ZDHHC13: variants seen among roughly 807,000 people sequenced by gnomAD.
The protein encoded by ZDHHC13 is palmitoyltransferase ZDHHC13.
ZDHHC13 carries 85 observed loss-of-function variants against 86.0 expected under a neutral mutation model. That is an observed-to-expected ratio of 0.99 (90% CI 0.83 to 1.18). The LOEUF (loss-of-function observed/expected upper bound fraction) is 1.18. Ranked by LOEUF, ZDHHC13 falls within the 50% of genes most tolerant of loss-of-function variation. The pLI is 0.00. For synonymous variants in ZDHHC13, 263 were observed against 246.4 expected, an observed-to-expected ratio of 1.07 and a Z score of -0.63; for missense variants, 711 against 730.2, an observed-to-expected ratio of 0.97 and a Z score of 0.30.
chr11:19,141,964 G>A (rs867675087), intron 1 of ZDHHC13, among the ~76,000 whole-genome samples: 3 of 152,168 alleles, frequency 2.0e-5, no homozygotes, highest in Non-Finnish European at 4.4e-5. Context: ...AAATTACCAC[G>A]CATTTAGTGG....
intron 1 of ZDHHC13, among the ~76,000 whole-genome samples, chr11:19,141,735 C>G (rs1279135244): frequency 6.7e-6 from 1 of 148,786 alleles, no homozygotes; most frequent in South Asian, 2.1e-4. Context: ...GGTCTAAGCT[C>G]AGTGTTTGAG....
At chr11:19,130,882 G>A (rs1422631429) in intron 1 of ZDHHC13, among the ~76,000 whole-genome samples, 3 of 146,572 alleles carry the variant, frequency 2.0e-5, no homozygotes, top group African/African-American at 7.6e-5. Flanking sequence ...ATTTCGCTCT[G>A]TCGCCCAGGC....
chr11:19,117,316 G>T lies in ZDHHC13; in HGVS notation c.27+40G>T. ...GCGGTGGCTGTCCTGGGGGCCGGGAGAGCGGCTGCAGCTGTGGAGGAAAGG... is the reference window on the plus strand; with the variant it reads ...GCGGTGGCTGTCCTGGGGGCCGGGATAGCGGCTGCAGCTGTGGAGGAAAGG... On this transcript the variant is annotated intron_variant, in intron 1 of 16. Coordinates refer to ENST00000446113, the MANE Select transcript of ZDHHC13 (RefSeq NM_019028.3). The surrounding 1 kb of genome is among the most constrained non-coding windows in gnomAD (Gnocchi z 4.2). The T allele has an allele frequency of 6.9e-7, 1 of 1,443,122 alleles. No individual in the cohort carries two copies. The allele number at this position is 1,443,122 out of a possible 1,614,324, so 89.4% of individuals were successfully genotyped here. A position where few individuals can be genotyped will look rare whatever the true frequency, so the allele number is the denominator to read the frequency against.
chr11:19,143,000 CCCACCCT>C lies in ZDHHC13; in HGVS notation c.54_60del (p.His18GlnfsTer26), dbSNP rs1374307748. 6.2e-7 allele frequency: 1 copy of C among 1,610,082 alleles called. No individual in the cohort carries two copies. Among genetic ancestry groups the C allele is most frequent in the African/African-American group, 1.3e-5 (1 of 74,860 alleles). On this transcript the variant is annotated frameshift_variant, in exon 2 of 17. Coordinates refer to ENST00000446113, the MANE Select transcript of ZDHHC13 (RefSeq NM_019028.3). LOFTEE classifies it high-confidence loss of function. ...CAGTGCAGGAATCACAGCCATGGCC[CCCACCCT>C]CCAGGATTTGGTCGATATGGCATCT... is the stretch of plus-strand genomic sequence containing the variant.
intron 1 of ZDHHC13, among the ~76,000 whole-genome samples, chr11:19,126,901 A>C (rs1039804343): frequency 2.0e-5 from 3 of 152,182 alleles, no homozygotes; most frequent in African/African-American, 7.2e-5. Context: ...TGCTATTGTG[A>C]ATAGTGCTAC....
chr11:19,172,004 T>G (rs1246551627), intron 15 of ZDHHC13, among the ~76,000 whole-genome samples: 1 of 152,220 alleles, frequency 6.6e-6, no homozygotes, highest in Non-Finnish European at 1.5e-5. Flanking sequence ...CACTCTAAGC[T>G]GTGTGGCTTT....
At chr11:19,124,279 A>G (rs1472234007) in intron 1 of ZDHHC13, among the ~76,000 whole-genome samples, 2 of 152,152 alleles carry the variant, frequency 1.3e-5, no homozygotes, top group African/African-American at 4.8e-5. Context: ...CAATAAGTAT[A>G]AGAAGAAAAT....
At chr11:19,149,395 A>AT in intron 5 of ZDHHC13, 64 bp downstream of exon 5, 1 of 1,379,924 alleles carries the variant, frequency 7.2e-7, no homozygotes, top group Non-Finnish European at 9.6e-7. Flanking sequence ...GGAAATTATT[A>AT]GTAGTAGTCT....
intron 1 of ZDHHC13, among the ~76,000 whole-genome samples, chr11:19,127,220 T>C (rs1848898164): frequency 6.6e-6 from 1 of 152,220 alleles, no homozygotes; most frequent in Non-Finnish European, 1.5e-5. Context: ...TGTTGAGCTT[T>C]TTTTCATATG....
At chr11:19,124,353 A>C (rs1446317111) in intron 1 of ZDHHC13, among the ~76,000 whole-genome samples, 1 of 152,192 alleles carries the variant, frequency 6.6e-6, no homozygotes, top group Non-Finnish European at 1.5e-5. Flanking sequence ...ATATATATAC[A>C]TAATGAGGGA....
chr11:19,131,779 A>G (rs551947929), intron 1 of ZDHHC13, among the ~76,000 whole-genome samples: 1 of 152,142 alleles, frequency 6.6e-6, no homozygotes, highest in African/African-American at 2.4e-5. Context: ...GATTACAGGC[A>G]TGGGCCACCA....
rs779024500 is a variant in ZDHHC13, at chr11:19,165,073, C to G, written c.1318C>G (p.Leu440Val). ...TTAGATAAGGAAGCCATTAAGGTCA[C>G]TCCACTGCCATGTATGCAACTGCTG... ...SCLIRKPLRS[L>V]HCHVCNCCVA... The change falls in exon 13 of 17, where the codon CTC becomes GTC. Residue 440 changes from leucine to valine, a missense_variant. Leu to Val is a conservative substitution (Grantham distance 32). Transcript: ENST00000446113. 9.9e-6 allele frequency: 16 copies of G among 1,612,778 alleles called. No individual in the cohort carries two copies. Among genetic ancestry groups the G allele is most frequent in the African/African-American group, 1.3e-5 (1 of 74,874 alleles).
Position 19,136,609 on chromosome 11 carries a change from C to A in ZDHHC13, c.28-6369C>A, listed in dbSNP as rs567167018. Among the ~76,000 whole-genome samples, 1,019 of 151,958 alleles carry A rather than the reference C, an allele frequency of 6.7e-3. 8 individuals carry two copies. Among genetic ancestry groups the A allele is most frequent in the African/African-American group, 0.023 (960 of 41,400 alleles). On this transcript the variant is annotated intron_variant, in intron 1 of 16. Coordinates refer to ENST00000446113, the MANE Select transcript of ZDHHC13 (RefSeq NM_019028.3). Reference sequence around the variant, plus strand: ...CCTCGAGAAGAGCAACTCCAAGACACATAATTGTCAGATTCACCAAAGTTG... The same window carrying A: ...CCTCGAGAAGAGCAACTCCAAGACAAATAATTGTCAGATTCACCAAAGTTG...
At chr11:19,173,113 G>A (rs1447380529) in intron 16 of ZDHHC13, among the ~76,000 whole-genome samples, 6 of 152,228 alleles carry the variant, frequency 3.9e-5, no homozygotes, top group African/African-American at 1.4e-4. Context: ...TCACAAGGTT[G>A]TTTGTTGCTG....
rs754908969 is a variant in ZDHHC13 at position 19,163,315 on chromosome 11, C to G, written c.1121C>G (p.Ala374Gly). The stretch of plus-strand genomic sequence containing the variant: ...ACTTGGCTTTAACATTTAGCAGGAG[C>G]CCCTTTCTATTTCAGTTTCATTTTC... ...FILFFPDLAG[A>G]PFYFSFIFSI... Residue 374 changes from alanine (A) to glycine (G), a missense_variant, in exon 11 of 17, where the codon GCC (alanine) becomes GGC (glycine). Transcript: ENST00000446113. The G allele has an allele frequency of 1.9e-6, 3 of 1,585,284 alleles. No homozygotes were observed. Among genetic ancestry groups the G allele is most frequent in the Non-Finnish European group, 1.7e-6 (2 of 1,169,118 alleles).
intron 14 of ZDHHC13, chr11:19,169,271 T>C (rs975640747): frequency 1.0e-6 from 1 of 985,338 alleles, no homozygotes; most frequent in Non-Finnish European, 1.2e-6. Flanking sequence ...GTGCATGGGA[T>C]GCATCTTTCT....
rs1340203475 is a variant in ZDHHC13 at position 19,143,006 on chromosome 11, C to A, written c.56C>A (p.Pro19His). 1 of 1,611,140 alleles carries A rather than the reference C, an allele frequency of 6.2e-7. No homozygotes were observed. Among genetic ancestry groups the A allele is most frequent in the Non-Finnish European group, 8.5e-7 (1 of 1,178,472 alleles). ...QCRNHSHGPH[P>H]PGFGRYGICA... ...AGGAATCACAGCCATGGCCCCCACC[C>A]TCCAGGATTTGGTCGATATGGCATC... is the stretch of plus-strand genomic sequence containing the variant. The change falls in exon 2 of 17, where the codon CCT (proline) becomes CAT (histidine). Residue 19 changes from proline to histidine, a missense_variant. By Grantham distance (77) the Pro-to-His change is moderately conservative. Coordinates refer to ENST00000446113, the MANE Select transcript of ZDHHC13 (RefSeq NM_019028.3).
rs1554963638 is a variant in ZDHHC13, at chr11:19,147,781, C to CCCG, written c.374+110_374+111insGCC. ...AAAGGCTGTCTTTTCTTCCCCCCCCCCCTTTATTTAAAAATAAATTTCAGC... is the reference window on the plus strand; with the variant it reads ...AAAGGCTGTCTTTTCTTCCCCCCCCCCCGCCTTTATTTAAAAATAAATTTCAGC... On this transcript the variant is annotated intron_variant, in intron 4 of 16. Transcript: ENST00000446113. 62 of 745,414 alleles carry CCCG rather than the reference C, an allele frequency of 8.3e-5. No homozygotes were observed. The African/African-American group carries it at 1.1e-3, about 13-fold the overall frequency. 46.2% of individuals were successfully genotyped at this position (745,414 alleles called of 1,614,324 possible). A position where few individuals can be genotyped will look rare whatever the true frequency, so the allele number is the denominator to read the frequency against.
chr11:19,161,478 A>G lies in ZDHHC13; in HGVS notation c.1109-1825A>G, dbSNP rs577421817. Among the ~76,000 whole-genome samples the G allele has an allele frequency of 2.0e-5, 3 of 152,040 alleles. No homozygotes were observed. In the South Asian group the frequency reaches 6.2e-4, roughly 32 times the overall value. On this transcript the variant is annotated intron_variant, in intron 10 of 16. Transcript: ENST00000446113. ...ATTCTTATGAATAAAATTGATGTGG[A>G]AGGCTGCATGTTTAAACTAATTTCA...
Sources: gnomAD v4.1 joint callset for allele counts (sites outside exome capture counted in the v4.1 genomes callset) on GRCh38, gnomAD v4.1.1 for gene constraint, Gnocchi (gnomAD v3.1) non-coding constraint, MANE v1.5 for transcripts, NCBI Gene and HGNC (gene_info 2026-07-23, HGNC 2026-07-21) for gene names.